The following ATG7 variants were observed in gnomAD, a reference collection of about 807,000 sequenced individuals.
ATG7 encodes ubiquitin-like modifier-activating enzyme ATG7.
Under a neutral mutation model 82.4 loss-of-function variants are expected in ATG7, and 70 were observed. The observed-to-expected ratio is 0.85, with a 90% confidence interval of 0.70 to 1.04. The LOEUF (loss-of-function observed/expected upper bound fraction) is 1.04, where lower values mean the gene tolerates loss of function less well. Ranked by LOEUF, ATG7 falls within the 50% of genes least tolerant of loss-of-function variation. The pLI, the probability that ATG7 is intolerant of heterozygous loss-of-function variation, is 0.00. For missense variants in ATG7, 792 were observed against 864.3 expected, an observed-to-expected ratio of 0.92 and a Z score of 1.05; for synonymous variants, 287 against 313.0, an observed-to-expected ratio of 0.92 and a Z score of 0.88.
chr3:11,315,266 CT>C (rs200605522), intron 8 of ATG7, 77 bp from the exon 9 acceptor site: 197 of 1,296,296 alleles, frequency 1.5e-4, no homozygotes, highest in Admixed American at 4.2e-4. Context: ...TTTAAGGTAC[CT>C]TTTTTTTGAG....
At chr3:11,547,534 C>T (rs888476010) in intron 20 of ATG7, among the ~76,000 whole-genome samples, 2 of 152,156 alleles carry the variant, frequency 1.3e-5, no homozygotes, top group Non-Finnish European at 2.9e-5. Flanking sequence ...GGGCAGTTAC[C>T]TAGGACTGGA....
rs192756642 is a variant in ATG7, at chr3:11,525,277, C to T, written c.2080-29534C>T. Among the ~76,000 whole-genome samples, 40 of 151,382 alleles carry T rather than the reference C, an allele frequency of 2.6e-4. 2 individuals are homozygous for T. Among genetic ancestry groups the T allele is most frequent in the African/African-American group, 8.3e-4 (34 of 40,832 alleles). ...GACTCCTGACCTCAGGTGATCTACC[C>T]GCCTTGACCTCCCAAAGTGCTAGGA... is the stretch of plus-strand genomic sequence containing the variant. On this transcript the variant is annotated intron_variant, in intron 20 of 20. Transcript: ENST00000693202.
intron 20 of ATG7, among the ~76,000 whole-genome samples, chr3:11,484,465 CT>C (rs2089389277): frequency 6.6e-6 from 1 of 152,198 alleles, no homozygotes; most frequent in Non-Finnish European, 1.5e-5. Flanking sequence ...TCAAAGCTGT[CT>C]TTTTCAGCAT....
intron 6 of ATG7, chr3:11,308,765 G>C: frequency 1.7e-6 from 1 of 582,394 alleles, no homozygotes; most frequent in Non-Finnish European, 3.1e-6. Flanking sequence ...AGGCGCCTGG[G>C]TTCCCTCACT....
At chr3:11,327,539 T>C (rs1023233399) in intron 9 of ATG7, among the ~76,000 whole-genome samples, 1 of 152,198 alleles carries the variant, frequency 6.6e-6, no homozygotes, top group African/African-American at 2.4e-5. Flanking sequence ...TCTAGGCAAT[T>C]CTGATGCAGG....
At chr3:11,465,919 G>A (rs2086786505) in intron 20 of ATG7, among the ~76,000 whole-genome samples, 2 of 152,158 alleles carry the variant, frequency 1.3e-5, no homozygotes, top group South Asian at 2.1e-4. Context: ...ACCCATGCTG[G>A]CTCTATTCAT....
At chr3:11,390,568 G>T (rs1468194494) in intron 19 of ATG7, among the ~76,000 whole-genome samples, 5 of 152,214 alleles carry the variant, frequency 3.3e-5, no homozygotes, top group Non-Finnish European at 7.3e-5. Flanking sequence ...GTTGGGCTGT[G>T]CTAGTTTGAT....
At chr3:11,275,965 A>G (rs1941690396) in intron 1 of ATG7, among the ~76,000 whole-genome samples, 1 of 152,208 alleles carries the variant, frequency 6.6e-6, no homozygotes, top group African/African-American at 2.4e-5. Context: ...CTAACCATGC[A>G]GAGCAAGACT....
intron 20 of ATG7, among the ~76,000 whole-genome samples, chr3:11,430,254 T>C (rs2082748698): frequency 1.3e-5 from 2 of 152,188 alleles, no homozygotes; most frequent in Non-Finnish European, 2.9e-5. Context: ...ATTACTGTTC[T>C]AACTACATCA....
intron 20 of ATG7, among the ~76,000 whole-genome samples, chr3:11,431,113 C>T (rs2082836114): frequency 6.6e-6 from 1 of 152,130 alleles, no homozygotes; most frequent in South Asian, 2.1e-4. Flanking sequence ...TAAAACACAC[C>T]ATTTTGGCTG....
chr3:11,464,380 A>G (rs919772691), intron 20 of ATG7, among the ~76,000 whole-genome samples: 1 of 152,346 alleles, frequency 6.6e-6, no homozygotes, highest in East Asian at 1.9e-4. Context: ...CTCAAAATTA[A>G]AAATTAAAAA....
rs1481245112 is a variant in ATG7, at chr3:11,309,048, T to C, written c.398T>C (p.Leu133Pro). 6.2e-7 allele frequency: 1 copy of C among 1,613,764 alleles called. No homozygotes were observed. The highest frequency in any genetic ancestry group is 2.2e-5 in the East Asian group (1 of 44,882). The part of the protein sequence containing the change: ...ENPVLLNKFL[L>P]LTFADLKKYH... Reference sequence around the variant, plus strand: ...CCTGTACTCCTCAACAAGTTCCTCCTCTTGACATTTGCAGTAAGTAAATGG... The same window carrying C: ...CCTGTACTCCTCAACAAGTTCCTCCCCTTGACATTTGCAGTAAGTAAATGG... Residue 133 changes from leucine (L) to proline (P), a missense_variant, in exon 7 of 21, where the codon CTC becomes CCC. By Grantham distance (98) the Leu-to-Pro change is moderately conservative (BLOSUM62 -3). Transcript: ENST00000693202.
intron 17 of ATG7, among the ~76,000 whole-genome samples, chr3:11,364,068 T>C (rs961626532): frequency 1.3e-5 from 2 of 152,218 alleles, no homozygotes; most frequent in African/African-American, 4.8e-5. Context: ...TTTGCCCTGG[T>C]CATAGTTTAA....
intron 20 of ATG7, among the ~76,000 whole-genome samples, chr3:11,479,108 A>G (rs1559709661): frequency 6.6e-6 from 1 of 151,836 alleles, no homozygotes; most frequent in Admixed American, 6.6e-5. Context: ...TCTCAATGGC[A>G]GGCTCCAGCA....
chr3:11,521,583 C>T (rs563544327), intron 20 of ATG7, among the ~76,000 whole-genome samples: 22 of 150,152 alleles, frequency 1.5e-4, no homozygotes, highest in African/African-American at 4.4e-4. Context: ...GACGGAGTCT[C>T]GCTCTGTCAC....
intron 9 of ATG7, among the ~76,000 whole-genome samples, chr3:11,316,304 A>G (rs778046469): frequency 3.0e-4 from 46 of 152,120 alleles, no homozygotes; most frequent in East Asian, 1.9e-4. Flanking sequence ...TATTTTCCTC[A>G]TAAAGCATTG....
rs555200488 is a variant in ATG7, at chr3:11,275,232, C to G, written c.-366+2802C>G. 9.2e-5 allele frequency among the ~76,000 whole-genome samples: 14 copies of G among 152,208 alleles called. No individual in the cohort carries two copies. The East Asian group carries it at 1.7e-3, about 19-fold the overall frequency. On this transcript the variant is annotated intron_variant, in intron 1 of 20. Transcript: ENST00000693202. ...ATTGAGCAGTAACAAAATTCTTTGA[C>G]TAGTGTCTCTAATAGATTAACCCTG...
chr3:11,548,287 C>T (rs1346605771), intron 20 of ATG7, among the ~76,000 whole-genome samples: 1 of 152,186 alleles, frequency 6.6e-6, no homozygotes, highest in African/African-American at 2.4e-5. Context: ...ATTCTAGATA[C>T]AAGTCTCTTA....
intron 1 of ATG7, among the ~76,000 whole-genome samples, chr3:11,275,082 G>C (rs1029224707): frequency 6.6e-6 from 1 of 152,004 alleles, no homozygotes; most frequent in Admixed American, 6.6e-5. Context: ...GAGAGGAGTG[G>C]GAGGAGTTGA....
Sources: gnomAD v4.1 joint callset for allele counts (sites outside exome capture counted in the v4.1 genomes callset) on GRCh38, gnomAD v4.1.1 for gene constraint, MANE v1.5 for transcripts, NCBI Gene and HGNC (gene_info 2026-07-23, HGNC 2026-07-21) for gene names.